The following SIGLEC1 variants were observed in gnomAD, a reference collection of about 807,000 sequenced individuals.
SIGLEC1 encodes the protein sialic acid binding Ig like lectin 1.
Under a neutral mutation model 148.0 loss-of-function variants are expected in SIGLEC1, and 132 were observed. The observed-to-expected ratio is 0.89, with a 90% CI of 0.77 to 1.03. SIGLEC1 has a LOEUF of 1.03. Among genes scored for constraint, SIGLEC1 ranks in the 50% least tolerant of loss-of-function variants. The probability of loss-of-function intolerance (pLI) is 0.00; values close to 1 mark genes in which losing one functional copy is unlikely to be tolerated. For synonymous variants in SIGLEC1, 945 were observed against 969.0 expected, an observed-to-expected ratio of 0.98 and a Z score of 0.46; for missense variants, 2,253 against 2,271.4, an observed-to-expected ratio of 0.99 and a Z score of 0.16.
At chr20:3,706,321 G>T in intron 3 of SIGLEC1, 26 bp downstream of exon 3, 1 of 1,587,600 alleles carries the variant, frequency 6.3e-7, no homozygotes, top group South Asian at 1.1e-5. Context: ...CCTCCCGGGG[G>T]GCAGCCAGGC....
At position 3,694,269 on chromosome 20, in the gene SIGLEC1, A is replaced by G. The variant is rs759473419; in HGVS notation, c.3208T>C (p.Ser1070Pro). 5.6e-6 allele frequency: 9 copies of G among 1,612,398 alleles called. No homozygotes were observed. The East Asian group carries it at 1.6e-4, about 28-fold the overall frequency. ...EDEGVYICEA[S>P]NTLGQASASA... is the part of the protein sequence containing the mutation. Reference sequence around the variant, plus strand: ...GCCGAGGCCTGGCCCAGGGTGTTGGAGGCCTCACAGATATAGACACCCTCA... The same window carrying G: ...GCCGAGGCCTGGCCCAGGGTGTTGGGGGCCTCACAGATATAGACACCCTCA... Residue 1070 changes from serine to proline, a missense_variant, in exon 13 of 22, where the codon TCC becomes CCC. Physicochemically the swap from Ser to Pro is moderately conservative, Grantham distance 74. Coordinates refer to ENST00000344754, the MANE Select transcript of SIGLEC1 (RefSeq NM_023068.4).
chr20:3,703,551 A>G, intron 5 of SIGLEC1, 100 bp from the exon 6 acceptor site: 1 of 1,414,358 alleles, frequency 7.1e-7, no homozygotes, highest in Non-Finnish European at 9.5e-7. Flanking sequence ...CAATCTCTGC[A>G]CATCCTACAC....
chr20:3,709,631 G>A (rs2087917995), intron 1 of SIGLEC1, among the ~76,000 whole-genome samples: 1 of 152,162 alleles, frequency 6.6e-6, no homozygotes, highest in South Asian at 2.1e-4. Context: ...AATGTTCACG[G>A]CAGCACTATT....
At chr20:3,696,141 AAC>A (rs71195853) in intron 11 of SIGLEC1, among the ~76,000 whole-genome samples, 59 of 145,154 alleles carry the variant, frequency 4.1e-4, no homozygotes, top group Middle Eastern at 3.6e-3. Flanking sequence ...CACACACACA[AAC>A]ACACACACAC....
rs1400160815 is a variant in SIGLEC1 at position 3,692,136 on chromosome 20, T to C, written c.4097A>G (p.Gln1366Arg). The C allele has an allele frequency of 1.9e-6, 3 of 1,597,800 alleles. No homozygotes were observed. Among genetic ancestry groups the C allele is most frequent in the Non-Finnish European group, 2.6e-6 (3 of 1,172,610 alleles). Residue 1366 changes from glutamine (Q) to arginine (R), a missense_variant, in exon 17 of 22, where the codon CAG (glutamine) becomes CGG (arginine). By Grantham distance (43) the Gln-to-Arg change is conservative. Coordinates refer to ENST00000344754, the MANE Select transcript of SIGLEC1 (RefSeq NM_023068.4). ...DSRARSMAVIQCTVDSEPPAE... is the reference protein window; with the variant it reads ...DSRARSMAVIRCTVDSEPPAE... ...AGGTGGCTCACTGTCCACAGTGCAC[T>C]GTATCACAGCCATGGATCTGGCCCT...
chr20:3,692,089 C>A lies in SIGLEC1; in HGVS notation c.4144G>T (p.Asp1382Tyr), dbSNP rs868272352. 6.2e-7 allele frequency: 1 copy of A among 1,609,880 alleles called. No individual in the cohort carries two copies. The highest frequency in any genetic ancestry group is 8.5e-7 in the Non-Finnish European group (1 of 1,178,960). ...EPPAELALSH[D>Y]GKVLATSSGV... ...CTGCTCGTGGCCAGCACCTTGCCAT[C>A]ATGAGATAGGGCCAGCTCAGCAGGT... The change falls in exon 17 of 22, where the codon GAT (aspartate) becomes TAT (tyrosine). Residue 1382 changes from aspartate to tyrosine, a missense_variant. Physicochemically the swap from Asp to Tyr is radical, Grantham distance 160 (BLOSUM62 -3). Coordinates refer to ENST00000344754, the MANE Select transcript of SIGLEC1 (RefSeq NM_023068.4).
rs2087851169 is a variant in SIGLEC1 at position 3,701,499 on chromosome 20, C to T, written c.1371G>A (p.Gly457=). 1.2e-6 allele frequency: 2 copies of T among 1,613,930 alleles called. No individual in the cohort carries two copies. The highest frequency in any genetic ancestry group is 2.7e-5 in the African/African-American group (2 of 74,930). The change falls in exon 7 of 22, where the codon GGG becomes GGA. Residue 457 remains glycine, a synonymous_variant. Coordinates refer to ENST00000344754, the MANE Select transcript of SIGLEC1 (RefSeq NM_023068.4). ...HGGHILASTS[G]DSDHSPRFSG... ...TGAAGCGTGGGCTGTGATCACTGTCCCCGGAGGTGGAGGCCAGGATATGAC... is the reference window on the plus strand; with the variant it reads ...TGAAGCGTGGGCTGTGATCACTGTCTCCGGAGGTGGAGGCCAGGATATGAC...
chr20:3,694,917 C>A lies in SIGLEC1; in HGVS notation c.2690G>T (p.Trp897Leu), dbSNP rs2088808039. Residue 897 changes from tryptophan (W) to leucine (L), a missense_variant, in exon 12 of 22, where the codon TGG (tryptophan) becomes TTG (leucine). Trp to Leu is a moderately conservative substitution (Grantham distance 61). Transcript: ENST00000344754. ...CTCAGGTGATGGTGACACCTGGACC[C>A]AGGCTCCTGCAGGGGAAAACCAAGA... ...TSLFFQVRGA[W>L]VQVSPSPELQ... is the part of the protein sequence containing the mutation. 4 of 1,609,918 alleles carry A rather than the reference C, an allele frequency of 2.5e-6. No individual in the cohort carries two copies. The South Asian group carries it at 4.4e-5, about 18-fold the overall frequency.
chr20:3,694,231 G>A lies in SIGLEC1; in HGVS notation c.3246C>T (p.Phe1082=), dbSNP rs141315143. ...TLGQASASAD[F]DAQAVNVQVW... ...CACACACACACTGACCTTGAGCGTC[G>A]AAGTCAGCTGAGGCCGAGGCCTGGC... The change falls in exon 13 of 22, where the codon TTC becomes TTT. Residue 1082 remains phenylalanine, a synonymous_variant. Coordinates refer to ENST00000344754, the MANE Select transcript of SIGLEC1 (RefSeq NM_023068.4). 3.6e-5 allele frequency: 58 copies of A among 1,603,682 alleles called. 1 individual carries two copies. The East Asian group carries it at 4.3e-4, about 12-fold the overall frequency.
intron 2 of SIGLEC1, 137 bp downstream of exon 2, chr20:3,706,943 C>G: frequency 9.2e-7 from 1 of 1,086,628 alleles, no homozygotes. Context: ...TCCTGCCCAG[C>G]TCCTGGCCAC....
At position 3,692,781 on chromosome 20, in the gene SIGLEC1, A is replaced by C; in HGVS notation, c.3779-9T>G. ...CAGGATCACCCGCACACCTGTGCCA[A>C]GGAGGCCAGGATCAGCCGGGCCCAG... On this transcript the variant is annotated splice_polypyrimidine_tract_variant and intron_variant, in intron 15 of 21. Coordinates refer to ENST00000344754, the MANE Select transcript of SIGLEC1 (RefSeq NM_023068.4). 1 of 1,606,408 alleles carries C rather than the reference A, an allele frequency of 6.2e-7. No individual in the cohort carries two copies. Among genetic ancestry groups the C allele is most frequent in the Non-Finnish European group, 8.5e-7 (1 of 1,176,600 alleles).
intron 21 of SIGLEC1, 172 bp downstream of exon 21, chr20:3,688,983 C>A: frequency 1.5e-6 from 1 of 659,862 alleles, no homozygotes. Flanking sequence ...CCCTCTGCCC[C>A]GAGCAGAACA....
At position 3,693,012 on chromosome 20, in the gene SIGLEC1, G is replaced by A. The variant is rs773433036; in HGVS notation, c.3628C>T (p.Arg1210Cys). 4.6e-5 allele frequency: 74 copies of A among 1,611,768 alleles called. No homozygotes were observed. The highest frequency in any genetic ancestry group is 2.7e-4 in the Admixed American group (16 of 59,978). ...PAQLALSHAG[R>C]LLASSTAASV... Reference sequence around the variant, plus strand: ...GCTGCTGTCGAGGAGGCCAAGAGGCGACCGGCGTGGCTGAGGGCCAGCTGG... The same window carrying A: ...GCTGCTGTCGAGGAGGCCAAGAGGCAACCGGCGTGGCTGAGGGCCAGCTGG... The change falls in exon 15 of 22, where the codon CGC (arginine) becomes TGC (cysteine). Residue 1210 changes from arginine (R) to cysteine (C), a missense_variant. Arg to Cys is a radical substitution (Grantham distance 180). Coordinates refer to ENST00000344754, the MANE Select transcript of SIGLEC1 (RefSeq NM_023068.4).
chr20:3,705,915 C>T lies in SIGLEC1; in HGVS notation c.535G>A (p.Asp179Asn). 4 of 1,614,168 alleles carry T rather than the reference C, an allele frequency of 2.5e-6. No homozygotes were observed. Among genetic ancestry groups the T allele is most frequent in the Non-Finnish European group, 3.4e-6 (4 of 1,180,054 alleles). ...TTGAAGGTGACAGAGCGAGCAGGGT[C>T]CTGGCCTTGCCACTGCAGTCTGACC... The part of the protein sequence containing the change: ...EQVRLQWQGQ[D>N]PARSVTFNSQ... Residue 179 changes from aspartate (D) to asparagine (N), a missense_variant, in exon 4 of 22, where the codon GAC (aspartate) becomes AAC (asparagine). Coordinates refer to ENST00000344754, the MANE Select transcript of SIGLEC1 (RefSeq NM_023068.4).
At chr20:3,704,519 G>A (rs2087878482) in intron 4 of SIGLEC1, among the ~76,000 whole-genome samples, 1 of 152,250 alleles carries the variant, frequency 6.6e-6, no homozygotes, top group Admixed American at 6.5e-5. Context: ...AACTAGCTCT[G>A]AAAATAGTTA....
In SIGLEC1 at chr20:3,706,430, T is replaced by C; in HGVS notation, c.326A>G (p.Asp109Gly). Residue 109 changes from aspartate (D) to glycine (G), a missense_variant, in exon 3 of 22, where the codon GAC (aspartate) becomes GGC (glycine). By Grantham distance (94) the Asp-to-Gly change is moderately conservative. Transcript: ENST00000344754. ...GAAGCGGAAGTTGTAGGAACCAGAG[T>C]CCTCGGGCTGCAGGTCCTTCAGCAG... ...NLLLKDLQPEDSGSYNFRFEI... is the reference protein window; with the variant it reads ...NLLLKDLQPEGSGSYNFRFEI... 1 of 1,614,070 alleles carries C rather than the reference T, an allele frequency of 6.2e-7. No homozygotes were observed. The highest frequency in any genetic ancestry group is 1.3e-5 in the African/African-American group (1 of 75,030).
Position 3,689,529 on chromosome 20 carries a change from G to A in SIGLEC1, c.4997+71C>T, listed in dbSNP as rs1474805913. ...AATAGGAGGTCCTAAAGGACCTGGG[G>A]GAATTTGGGGAGAAGACGAGGTGGG... On this transcript the variant is annotated intron_variant, in intron 20 of 21. Coordinates refer to ENST00000344754, the MANE Select transcript of SIGLEC1 (RefSeq NM_023068.4). 61 of 1,078,494 alleles carry A rather than the reference G, an allele frequency of 5.7e-5. No individual in the cohort carries two copies. The Admixed American group carries it at 1.4e-3, about 25-fold the overall frequency. The allele number at this position is 1,078,494 out of a possible 1,614,324, so 66.8% of individuals were successfully genotyped here.
Position 3,696,705 on chromosome 20 carries a change from T to C in SIGLEC1, c.2564A>G (p.Glu855Gly). The change falls in exon 11 of 22, where the codon GAG becomes GGG. Residue 855 changes from glutamate (E) to glycine (G), a missense_variant. By Grantham distance (98) the Glu-to-Gly change is moderately conservative. Coordinates refer to ENST00000344754, the MANE Select transcript of SIGLEC1 (RefSeq NM_023068.4). Reference protein sequence around the residue: ...PSHGRFQAKAEANSLKLEVRE... With the variant: ...PSHGRFQAKAGANSLKLEVRE... ...GACCTCTAACTTCAGGGAGTTGGCC[T>C]CAGCTTTAGCCTGGAACCGACCATG... 1 of 1,613,788 alleles carries C rather than the reference T, an allele frequency of 6.2e-7. No homozygotes were observed. Among genetic ancestry groups the C allele is most frequent in the Non-Finnish European group, 8.5e-7 (1 of 1,180,014 alleles).
Position 3,705,978 on chromosome 20 carries a change from A to G in SIGLEC1, c.472T>C (p.Phe158Leu). 6.2e-7 allele frequency: 1 copy of G among 1,614,036 alleles called. No homozygotes were observed. The highest frequency in any genetic ancestry group is 8.5e-7 in the Non-Finnish European group (1 of 1,180,012). The change falls in exon 4 of 22, where the codon TTC (phenylalanine) becomes CTC (leucine). Residue 158 changes from phenylalanine to leucine, a missense_variant. Physicochemically the swap from Phe to Leu is conservative, Grantham distance 22 (BLOSUM62 0). Coordinates refer to ENST00000344754, the MANE Select transcript of SIGLEC1 (RefSeq NM_023068.4). ...CATACGTAGGGAGTGGAGCAGTTGA[A>G]GTCCACCTCTGTGCCCTCGAGAAGC... ...VELLEGTEVD[F>L]NCSTPYVCLQ...
Sources: gnomAD v4.1 joint callset for allele counts (sites outside exome capture counted in the v4.1 genomes callset) on GRCh38, gnomAD v4.1.1 for gene constraint, MANE v1.5 for transcripts, NCBI Gene and HGNC (gene_info 2026-07-23, HGNC 2026-07-21) for gene names.